PGCKA1: variants seen among roughly 807,000 people sequenced by gnomAD.
PGCKA1 encodes the protein PDCD10 and GCKIII kinases associated 1.
chr4:37,578,791 G>A, the PGCKA1 span, among the ~76,000 whole-genome samples: 38 of 151,996 alleles, frequency 2.5e-4, no homozygotes, highest in African/African-American at 5.5e-4. Flanking sequence ...GGCCTGGTGC[G>A]GTGGCCTGTA....
chr4:37,455,469 G>A, the PGCKA1 span, among the ~76,000 whole-genome samples: 2 of 152,188 alleles, frequency 1.3e-5, no homozygotes, highest in African/African-American at 4.8e-5. Flanking sequence ...GGAAGGGAAG[G>A]TGTGGCTTAC....
At chr4:37,572,204 A>G in the PGCKA1 span, among the ~76,000 whole-genome samples, 1 of 149,614 alleles carries the variant, frequency 6.7e-6, no homozygotes, top group Admixed American at 6.6e-5. Context: ...CTGGGACTAC[A>G]GGCGCCCGCC....
the PGCKA1 span, among the ~76,000 whole-genome samples, chr4:37,488,946 A>G: frequency 2.0e-5 from 3 of 152,140 alleles, no homozygotes; most frequent in Non-Finnish European, 4.4e-5. Context: ...TTTAAAAAAC[A>G]CAGTGTTACT....
At chr4:37,576,060 A>G in the PGCKA1 span, among the ~76,000 whole-genome samples, 6 of 152,058 alleles carry the variant, frequency 3.9e-5, no homozygotes, top group South Asian at 4.1e-4. Flanking sequence ...TTCGCTCAGG[A>G]TGGCTTTGGC....
At chr4:37,496,107 A>T in the PGCKA1 span, among the ~76,000 whole-genome samples, 2 of 152,164 alleles carry the variant, frequency 1.3e-5, no homozygotes, top group Non-Finnish European at 2.9e-5. Context: ...AGCTGTGCAG[A>T]AGCTCTTTTG....
the PGCKA1 span, among the ~76,000 whole-genome samples, chr4:37,472,005 T>C: frequency 6.6e-6 from 1 of 152,170 alleles, no homozygotes; most frequent in Non-Finnish European, 1.5e-5. Flanking sequence ...GATTAATATG[T>C]ATGGCTACCT....
the PGCKA1 span, among the ~76,000 whole-genome samples, chr4:37,530,085 T>A: frequency 2.6e-5 from 4 of 152,254 alleles, no homozygotes; most frequent in African/African-American, 9.6e-5. Flanking sequence ...TAAAACTTTT[T>A]ATCTTCCATC....
the PGCKA1 span, among the ~76,000 whole-genome samples, chr4:37,499,746 A>T: frequency 2.6e-5 from 4 of 151,790 alleles, no homozygotes; most frequent in Non-Finnish European, 5.9e-5. Flanking sequence ...TTTCAAAAAA[A>T]CACACTTCTA....
the PGCKA1 span, chr4:37,590,876 A>G: frequency 1.2e-3 from 1,930 of 1,614,206 alleles, 37 homozygotes; most frequent in East Asian, 0.025. Flanking sequence ...AACAGGCAGG[A>G]GGATACCCAT....
chr4:37,457,164 A>C, the PGCKA1 span, among the ~76,000 whole-genome samples: 12 of 152,360 alleles, frequency 7.9e-5, no homozygotes, highest in South Asian at 2.5e-3. Context: ...AAATATCTAC[A>C]TCTGAAGGCA....
At chr4:37,495,690 C>T in the PGCKA1 span, among the ~76,000 whole-genome samples, 1 of 152,078 alleles carries the variant, frequency 6.6e-6, no homozygotes, top group Non-Finnish European at 1.5e-5. Flanking sequence ...AGGGGAACAT[C>T]ACACACCGGG....
the PGCKA1 span, among the ~76,000 whole-genome samples, chr4:37,513,104 AAGAAAG>A: frequency 0.48 from 67,123 of 139,840 alleles, 15,863 homozygotes; most frequent in African/African-American, 0.55. Flanking sequence ...AAAAAAAAGA[AAGAAAG>A]AAAGAAAGAA....
chr4:37,570,241 G>A, the PGCKA1 span, among the ~76,000 whole-genome samples: 14 of 140,578 alleles, frequency 1.0e-4, no homozygotes, highest in East Asian at 2.2e-4. Context: ...CTTTTGAGCC[G>A]CCGACCTCGG....
chr4:37,502,619 C>T, the PGCKA1 span, among the ~76,000 whole-genome samples: 2 of 152,192 alleles, frequency 1.3e-5, no homozygotes, highest in South Asian at 4.1e-4. Context: ...AGAGGCAGCA[C>T]AGGGTGCGTG....
chr4:37,500,018 G>A, the PGCKA1 span, among the ~76,000 whole-genome samples: 1 of 148,750 alleles, frequency 6.7e-6, no homozygotes, highest in South Asian at 2.1e-4. Flanking sequence ...CGCTTCCTGG[G>A]TTCATGCCAT....
chr4:37,544,644 G>GT, the PGCKA1 span, among the ~76,000 whole-genome samples: 26 of 149,212 alleles, frequency 1.7e-4, no homozygotes, highest in Admixed American at 6.0e-4. Flanking sequence ...TCAAGGAGCT[G>GT]TTTTTTTTGT....
At chr4:37,551,615 A>G in the PGCKA1 span, among the ~76,000 whole-genome samples, 1 of 152,246 alleles carries the variant, frequency 6.6e-6, no homozygotes, top group Non-Finnish European at 1.5e-5. Flanking sequence ...CTGTCTACAC[A>G]TAGATAATCA....
the PGCKA1 span, among the ~76,000 whole-genome samples, chr4:37,483,545 T>C: frequency 1.3e-5 from 2 of 152,196 alleles, no homozygotes; most frequent in African/African-American, 4.8e-5. Flanking sequence ...TCCCAATACA[T>C]GCTACGGCAA....
chr4:37,464,918 T>G, the PGCKA1 span, among the ~76,000 whole-genome samples: 2 of 152,172 alleles, frequency 1.3e-5, no homozygotes, highest in Non-Finnish European at 2.9e-5. Context: ...ACAGTGGAGT[T>G]CACAGAGAAA....
Sources: gnomAD v4.1 joint callset for allele counts (sites outside exome capture counted in the v4.1 genomes callset) on GRCh38, gnomAD v4.1.1 for gene constraint, MANE v1.5 for transcripts, NCBI Gene and HGNC (gene_info 2026-07-23, HGNC 2026-07-21) for gene names.